SLC22A24: variants seen among roughly 807,000 people sequenced by gnomAD.
SLC22A24 encodes steroid transmembrane transporter SLC22A24.
SLC22A24 carries 53 observed loss-of-function variants against 49.8 expected under a neutral mutation model. That is an observed-to-expected ratio of 1.06 (90% CI 0.85 to 1.34). The LOEUF (loss-of-function observed/expected upper bound fraction) is 1.34. Ranked by LOEUF, SLC22A24 falls within the 40% of genes most tolerant of loss-of-function variation. The probability of loss-of-function intolerance (pLI) is 0.00; values close to 1 mark genes in which losing one functional copy is unlikely to be tolerated. For missense variants in SLC22A24, 786 were observed against 675.9 expected (o/e 1.16, Z -1.81); for synonymous variants, 302 against 256.4 (o/e 1.18, Z -1.70).
intron 2 of SLC22A24, among the ~76,000 whole-genome samples, chr11:63,120,450 T>C (rs536651161): frequency 1.1e-4 from 16 of 150,966 alleles, no homozygotes; most frequent in African/African-American, 1.7e-4. Context: ...ACTTAAAATA[T>C]AATAAAAAAT....
Position 63,144,144 on chromosome 11 carries a change from C to T in SLC22A24, c.-365G>A, listed in dbSNP as rs377321275. 2.9e-5 allele frequency: 5 copies of T among 172,492 alleles called. No homozygotes were observed. Among genetic ancestry groups the T allele is most frequent in the Admixed American group, 1.3e-4 (2 of 15,808 alleles). 10.7% of individuals were successfully genotyped at this position (172,492 alleles called of 1,614,324 possible). A position where few individuals can be genotyped will look rare whatever the true frequency, so the allele number is the denominator to read the frequency against. On this transcript the variant is annotated 5_prime_UTR_variant, in exon 1 of 10. The change creates a new upstream start codon in the 5' untranslated region. Coordinates refer to ENST00000612278, the MANE Select transcript of SLC22A24 (RefSeq NM_001136506.2). ...GATTTTCAGGTGGATGCAGTCCCCA[C>T]GTGACCTAAAATACACCTGTTCAAT... is the stretch of plus-strand genomic sequence containing the variant.
intron 5 of SLC22A24, among the ~76,000 whole-genome samples, chr11:63,097,247 C>T (rs185054515): frequency 2.0e-5 from 3 of 152,048 alleles, no homozygotes; most frequent in African/African-American, 7.2e-5. Flanking sequence ...AAAAACAACC[C>T]CATCAAAAAG....
At chr11:63,096,131 G>A (rs779350742) in intron 5 of SLC22A24, 25 bp from the exon 6 acceptor site, 3 of 1,413,198 alleles carry the variant, frequency 2.1e-6, no homozygotes, top group South Asian at 2.5e-5. Context: ...ATAACAACAA[G>A]CATTTGTGAG....
intron 4 of SLC22A24, 168 bp downstream of exon 4, chr11:63,118,744 T>C (rs748965226): frequency 4.3e-6 from 3 of 694,480 alleles, no homozygotes; most frequent in Non-Finnish European, 5.2e-6. Flanking sequence ...TCCCCACATA[T>C]AGTGTCATCC....
intron 2 of SLC22A24, among the ~76,000 whole-genome samples, chr11:63,127,016 A>T (rs1014546151): frequency 2.0e-5 from 3 of 152,128 alleles, no homozygotes; most frequent in Non-Finnish European, 4.4e-5. Flanking sequence ...TCTAGGGTAC[A>T]TGTGCACAAT....
intron 1 of SLC22A24, among the ~76,000 whole-genome samples, chr11:63,135,937 A>G (rs2087371107): frequency 6.6e-6 from 1 of 152,208 alleles, no homozygotes; most frequent in African/African-American, 2.4e-5. Flanking sequence ...GCAATCATCG[A>G]AGCTGATCCT....
chr11:63,109,670 C>G (rs2134656924), intron 4 of SLC22A24, among the ~76,000 whole-genome samples: 1 of 151,998 alleles, frequency 6.6e-6, no homozygotes, highest in Admixed American at 6.6e-5. Flanking sequence ...TGTTCATGTC[C>G]TTTGCCCACT....
intron 6 of SLC22A24, among the ~76,000 whole-genome samples, chr11:63,091,004 T>C (rs897215489): frequency 3.3e-5 from 5 of 152,126 alleles, no homozygotes; most frequent in African/African-American, 1.2e-4. Flanking sequence ...AGCTGATTTT[T>C]TGAAAAGATT....
intron 4 of SLC22A24, chr11:63,116,197 T>G (rs899329678): frequency 5.3e-6 from 2 of 378,978 alleles, no homozygotes; most frequent in South Asian, 1.4e-4. Flanking sequence ...TTGATGTGCT[T>G]CTTGGCAAAG....
rs1223748098 is a variant in SLC22A24 at position 63,144,067 on chromosome 11, G to A, written c.-288C>T. The A allele has an allele frequency of 3.9e-6, 1 of 255,492 alleles. No individual in the cohort carries two copies. The highest frequency in any genetic ancestry group is 2.2e-5 in the African/African-American group (1 of 45,312). The allele number at this position is 255,492 out of a possible 1,614,324, so 15.8% of individuals were successfully genotyped here. On this transcript the variant is annotated 5_prime_UTR_variant, in exon 1 of 10. Coordinates refer to ENST00000612278, the MANE Select transcript of SLC22A24 (RefSeq NM_001136506.2). Reference sequence around the variant, plus strand: ...TGTTGACAACTGAATCTTCTTAAAAGACTACTCTGTGAAAGATCCTGATCT... The same window carrying A: ...TGTTGACAACTGAATCTTCTTAAAAAACTACTCTGTGAAAGATCCTGATCT...
chr11:63,119,070 C>G lies in SLC22A24; in HGVS notation c.672G>C (p.Trp224Cys), dbSNP rs201255155. ...LGNTFILSLE[W>C]TLPRSRSMTI... ...TCATAGATCGTGACCGGGGCAATGT[C>G]CACTCTAAGCCTGGAAGAAAACATA... The change falls in exon 4 of 10, where the codon TGG becomes TGC. Residue 224 changes from tryptophan to cysteine, a missense_variant. By Grantham distance (215) the Trp-to-Cys change is radical. Transcript: ENST00000612278. 2.1e-5 allele frequency: 33 copies of G among 1,546,840 alleles called. No individual in the cohort carries two copies. The highest frequency in any genetic ancestry group is 2.8e-5 in the Non-Finnish European group (32 of 1,143,862).
At chr11:63,106,078 C>T (rs1370088977) in intron 4 of SLC22A24, among the ~76,000 whole-genome samples, 4 of 123,998 alleles carry the variant, frequency 3.2e-5, no homozygotes, top group African/African-American at 1.2e-4. Flanking sequence ...CTATCCCTCC[C>T]CCCTCCCCCC....
intron 1 of SLC22A24, among the ~76,000 whole-genome samples, chr11:63,140,593 A>C (rs903505775): frequency 6.6e-6 from 1 of 152,176 alleles, no homozygotes; most frequent in Non-Finnish European, 1.5e-5. Context: ...GCTATGCTGA[A>C]AAGAATTAGA....
chr11:63,092,605 T>G (rs1302519874), intron 6 of SLC22A24, among the ~76,000 whole-genome samples: 3 of 143,558 alleles, frequency 2.1e-5, no homozygotes, highest in Non-Finnish European at 3.1e-5. Flanking sequence ...AGATTCCCTA[T>G]TTAATTAATG....
intron 2 of SLC22A24, among the ~76,000 whole-genome samples, chr11:63,133,049 G>A (rs192914973): frequency 1.5e-3 from 230 of 152,320 alleles, no homozygotes; most frequent in African/African-American, 4.9e-3. Context: ...TCAAGCTGCA[G>A]TATCGCAGGT....
chr11:63,113,191 C>T (rs1032683844), intron 4 of SLC22A24, among the ~76,000 whole-genome samples: 45 of 4,302 alleles, frequency 0.01, 3 homozygotes, highest in African/African-American at 0.018. Flanking sequence ...TATATATACA[C>T]ATATATATAT....
At chr11:63,112,200 C>A (rs532749945) in intron 4 of SLC22A24, among the ~76,000 whole-genome samples, 102 of 152,250 alleles carry the variant, frequency 6.7e-4, no homozygotes, top group African/African-American at 2.4e-3. Context: ...TTTGATTGCA[C>A]TGTGGTCTGA....
chr11:63,126,885 C>G (rs151303415), intron 2 of SLC22A24, among the ~76,000 whole-genome samples: 4,250 of 152,126 alleles, frequency 0.028, 97 homozygotes, highest in Non-Finnish European at 0.041. Context: ...AAGTTGTATT[C>G]CTAGGTATTT....
intron 6 of SLC22A24, among the ~76,000 whole-genome samples, chr11:63,084,953 T>A (rs914938147): frequency 2.1e-5 from 3 of 144,804 alleles, no homozygotes; most frequent in Non-Finnish European, 4.6e-5. Flanking sequence ...TTTTTTTTTT[T>A]ATTACTGAGA....
Sources: allele counts gnomAD v4.1 joint callset (sites outside exome capture counted in the v4.1 genomes callset), GRCh38; gene constraint gnomAD v4.1.1; transcripts MANE v1.5; gene names NCBI Gene and HGNC (gene_info 2026-07-23, HGNC 2026-07-21).